The following EP400 variants were observed in gnomAD, a reference collection of about 807,000 sequenced individuals.
EP400 encodes the protein E1A-binding protein p400.
In EP400, 105 loss-of-function variants were observed where a neutral mutation model predicts 354.1. That is an observed-to-expected ratio of 0.30 (90% CI 0.25 to 0.35). The LOEUF (loss-of-function observed/expected upper bound fraction) is 0.35, where lower values mean the gene tolerates loss of function less well. EP400 is among the 10% of genes least tolerant of loss of function. EP400 has a pLI of 1.00. For missense variants in EP400, 3,280 were observed against 4,121.0 expected (o/e 0.80, Z 5.59); for synonymous variants, 1,646 against 1,716.9 (o/e 0.96, Z 1.02).
rs1447017178 is a variant in EP400 at position 131,966,917 on chromosome 12, A to AC, written c.1335+4963_1335+4964insC. Among the ~76,000 whole-genome samples, 764 of 150,770 alleles carry AC rather than the reference A, an allele frequency of 5.1e-3. 7 individuals are homozygous for AC. Among genetic ancestry groups the AC allele is most frequent in the African/African-American group, 0.018 (727 of 40,898 alleles). ...GAGACTTGTCTCAAAAAAAAAAAAA[A>AC]AAAAAAAACCTATGTGTAGTGATAC... On this transcript the variant is annotated intron_variant, in intron 2 of 52. Transcript: ENST00000389561.
intron 29 of EP400, chr12:132,031,474 A>G (rs1173254810): frequency 2.1e-6 from 1 of 475,168 alleles, no homozygotes; most frequent in East Asian, 5.6e-5. Flanking sequence ...GCTGCACAGA[A>G]GAGCTGGAAT....
chr12:131,951,676 A>AC (rs1454679775), intron 1 of EP400, among the ~76,000 whole-genome samples: 1 of 152,092 alleles, frequency 6.6e-6, no homozygotes, highest in African/African-American at 2.4e-5. Flanking sequence ...ATCTCGGCTC[A>AC]CTGCAACCTC....
chr12:132,034,564 T>C (rs1179847814), intron 30 of EP400, among the ~76,000 whole-genome samples: 11 of 151,974 alleles, frequency 7.2e-5, no homozygotes, highest in Admixed American at 6.6e-4. Context: ...CGGGTGGGAG[T>C]GTGCCCCACT....
rs1895435721 is a variant in EP400, at chr12:132,055,035, A to G, written c.7774+16A>G. 1 of 1,613,958 alleles carries G rather than the reference A, an allele frequency of 6.2e-7. No homozygotes were observed. The highest frequency in any genetic ancestry group is 8.5e-7 in the Non-Finnish European group (1 of 1,179,948). Reference sequence around the variant, plus strand: ...ATGCCCACTGGTAAGACAAATACAGAGATGCTGAAATGTGGACCCCATTTC... The same window carrying G: ...ATGCCCACTGGTAAGACAAATACAGGGATGCTGAAATGTGGACCCCATTTC... On this transcript the variant is annotated intron_variant, in intron 44 of 52. Coordinates refer to ENST00000389561, the MANE Select transcript of EP400 (RefSeq NM_015409.5).
In EP400 at chr12:132,029,972, T is replaced by C. The variant is rs1432162493; in HGVS notation, c.5585-17T>C. On this transcript the variant is annotated splice_polypyrimidine_tract_variant and intron_variant, in intron 28 of 52. Coordinates refer to ENST00000389561, the MANE Select transcript of EP400 (RefSeq NM_015409.5). This position sits in a 1 kb window ranked among gnomAD's most constrained non-coding sequence, Gnocchi z 4.7. ...GCCCTGGATGATGAGGCGCTCTTGA[T>C]GTGATTCGTTTCCCAGGGAAGTTGG... is the stretch of plus-strand genomic sequence containing the variant. 1 of 1,613,590 alleles carries C rather than the reference T, an allele frequency of 6.2e-7. No individual in the cohort carries two copies. Among genetic ancestry groups the C allele is most frequent in the Non-Finnish European group, 8.5e-7 (1 of 1,180,012 alleles).
rs928833712 is a variant in EP400, at chr12:132,017,150, T to C, written c.3924-385T>C. 1.3e-5 allele frequency among the ~76,000 whole-genome samples: 2 copies of C among 151,660 alleles called. No individual in the cohort carries two copies. The highest frequency in any genetic ancestry group is 2.9e-5 in the Non-Finnish European group (2 of 68,032). On this transcript the variant is annotated intron_variant, in intron 19 of 52. Coordinates refer to ENST00000389561, the MANE Select transcript of EP400 (RefSeq NM_015409.5). This position sits in a 1 kb window ranked among gnomAD's most constrained non-coding sequence, Gnocchi z 5.0. Reference sequence around the variant, plus strand: ...CCCCGCTCACTGCCTGCAGGGCCAGTGTAGGACCAGGCGTCAGAGCTGCCG... The same window carrying C: ...CCCCGCTCACTGCCTGCAGGGCCAGCGTAGGACCAGGCGTCAGAGCTGCCG...
chr12:131,969,671 G>A (rs1039314313), intron 2 of EP400, among the ~76,000 whole-genome samples: 2 of 151,944 alleles, frequency 1.3e-5, no homozygotes, highest in Non-Finnish European at 2.9e-5. Context: ...CAGCCATTTC[G>A]ACAAAGAGCC....
chr12:132,069,929 T>C (rs967337132), intron 51 of EP400, among the ~76,000 whole-genome samples: 17 of 152,230 alleles, frequency 1.1e-4, no homozygotes. Flanking sequence ...GCTCCTCTTC[T>C]CCCTTCCTGG....
At chr12:131,950,565 C>T (rs1278821523) in intron 1 of EP400, among the ~76,000 whole-genome samples, 1 of 152,138 alleles carries the variant, frequency 6.6e-6, no homozygotes, top group Non-Finnish European at 1.5e-5. Flanking sequence ...CGGAACGCGC[C>T]GCCACAGGGG....
intron 30 of EP400, 89 bp from the exon 31 acceptor site, chr12:132,037,593 T>A (rs751266334): frequency 9.8e-7 from 1 of 1,020,210 alleles, no homozygotes; most frequent in Non-Finnish European, 1.5e-6. Flanking sequence ...GGGACGTGGA[T>A]TCGTTGATCA....
At chr12:132,071,850 A>C (rs1896077830) in intron 51 of EP400, among the ~76,000 whole-genome samples, 1 of 152,124 alleles carries the variant, frequency 6.6e-6, no homozygotes, top group African/African-American at 2.4e-5. Flanking sequence ...CCTTCAACAA[A>C]TACTATAAGT....
At chr12:132,073,955 G>A (rs1177485792) in intron 51 of EP400, among the ~76,000 whole-genome samples, 1 of 117,668 alleles carries the variant, frequency 8.5e-6, no homozygotes, top group Admixed American at 9.1e-5. Context: ...TTGAGACGGA[G>A]GCTCACTCTC....
chr12:132,064,785 C>T lies in EP400; in HGVS notation c.8452C>T (p.Pro2818Ser). Reference protein sequence around the residue: ...TAQVQVQTSQPPQQQSPQLTT... With the variant: ...TAQVQVQTSQSPQQQSPQLTT... ...CCAAGTGCAAGTGCAGACCTCGCAG[C>T]CGCCGCAGCAGCAGAGCCCCCAGCT... The change falls in exon 48 of 53, where the codon CCG becomes TCG. Residue 2818 changes from proline (P) to serine (S), a missense_variant. Transcript: ENST00000389561. 1 of 1,613,072 alleles carries T rather than the reference C, an allele frequency of 6.2e-7. No homozygotes were observed. Among genetic ancestry groups the T allele is most frequent in the Non-Finnish European group, 8.5e-7 (1 of 1,179,860 alleles).
At chr12:132,061,962 TCAG>T (rs1479070067) in intron 45 of EP400, 145 bp from the exon 46 acceptor site, 5 of 653,374 alleles carry the variant, frequency 7.7e-6, no homozygotes, top group Admixed American at 5.2e-5. Flanking sequence ...ACACATGAAA[TCAG>T]CAGTTTTCAA....
chr12:131,981,665 C>A, intron 4 of EP400, 69 bp downstream of exon 4: 2 of 1,353,724 alleles, frequency 1.5e-6, no homozygotes, highest in Non-Finnish European at 1.0e-6. Flanking sequence ...CAGAAACCAG[C>A]ACCAGACTCA....
In EP400 at chr12:132,050,782, T is replaced by C. The variant is rs1366566373; in HGVS notation, c.7394+127T>C. ...TTCAGGCATCAGCTGGACGTGGCAG[T>C]GCGCAGAACCTGCAGGAGAGAGGTG... On this transcript the variant is annotated intron_variant, in intron 41 of 52. Transcript: ENST00000389561. The surrounding 1 kb of genome is among the most constrained non-coding windows in gnomAD (Gnocchi z 4.8). 8.4e-7 allele frequency: 1 copy of C among 1,185,012 alleles called. No homozygotes were observed. Among genetic ancestry groups the C allele is most frequent in the Non-Finnish European group, 1.2e-6 (1 of 806,618 alleles). 73.4% of individuals were successfully genotyped at this position (1,185,012 alleles called of 1,614,324 possible).
At chr12:132,035,875 G>T (rs1241356820) in intron 30 of EP400, among the ~76,000 whole-genome samples, 1 of 143,842 alleles carries the variant, frequency 7.0e-6, no homozygotes, top group African/African-American at 2.6e-5. Flanking sequence ...GACACACCCA[G>T]GTTCACACGG....
At chr12:131,963,241 G>A (rs183797108) in intron 2 of EP400, among the ~76,000 whole-genome samples, 292 of 152,310 alleles carry the variant, frequency 1.9e-3, no homozygotes, top group Admixed American at 5.7e-3. Flanking sequence ...GGAGTTGGTA[G>A]GGCTTTGTTA....
At chr12:131,984,412 G>A (rs1892785171) in intron 5 of EP400, among the ~76,000 whole-genome samples, 1 of 152,098 alleles carries the variant, frequency 6.6e-6, no homozygotes, top group Non-Finnish European at 1.5e-5. Flanking sequence ...AAAAACCAGA[G>A]GCCAGAAAAG....
Sources: allele counts gnomAD v4.1 joint callset (sites outside exome capture counted in the v4.1 genomes callset), GRCh38; gene constraint gnomAD v4.1.1; non-coding constraint Gnocchi (gnomAD v3.1); transcripts MANE v1.5; gene names NCBI Gene and HGNC (gene_info 2026-07-23, HGNC 2026-07-21).